The following DLG2 variants were observed in gnomAD, a reference collection of about 807,000 sequenced individuals.
DLG2 encodes the protein discs large MAGUK scaffold protein 2, also known as disks large homolog 2.
DLG2 carries 45 observed loss-of-function variants against 132.5 expected under a neutral mutation model. The ratio of observed to expected loss-of-function variants is 0.34; its 90% CI spans 0.27 to 0.44. DLG2 has a LOEUF of 0.44. Ranked by LOEUF, DLG2 falls within the 20% of genes least tolerant of loss-of-function variation. The probability of loss-of-function intolerance (pLI) is 1.00; values close to 1 mark genes in which losing one functional copy is unlikely to be tolerated. For missense variants in DLG2, 1,045 were observed against 1,196.9 expected, an observed-to-expected ratio of 0.87 and a Z score of 1.87; for synonymous variants, 424 against 419.6, an observed-to-expected ratio of 1.01 and a Z score of -0.13.
chr11:84,644,560 G>A (rs1030381117), intron 6 of DLG2, among the ~76,000 whole-genome samples: 2 of 151,960 alleles, frequency 1.3e-5, no homozygotes, highest in African/African-American at 4.8e-5. Flanking sequence ...CAAAAAATTA[G>A]CCGGGCGTGG....
chr11:83,898,828 A>C (rs1596128696), intron 15 of DLG2, among the ~76,000 whole-genome samples: 2 of 152,282 alleles, frequency 1.3e-5, no homozygotes, highest in East Asian at 3.9e-4. Context: ...TAATTTTACT[A>C]TTTCATCAAA....
At chr11:84,142,119 C>T (rs987324732) in intron 9 of DLG2, among the ~76,000 whole-genome samples, 6 of 151,770 alleles carry the variant, frequency 4.0e-5, no homozygotes, top group African/African-American at 1.5e-4. Flanking sequence ...CTGGCCAACA[C>T]GGTGAAACCA....
At chr11:84,558,227 TG>T (rs1422391529) in intron 6 of DLG2, among the ~76,000 whole-genome samples, 2 of 152,186 alleles carry the variant, frequency 1.3e-5, no homozygotes, top group African/African-American at 4.8e-5. Flanking sequence ...GGTTTGGAGT[TG>T]GTTTATTTCC....
chr11:84,276,385 G>A (rs2097783451), intron 7 of DLG2, among the ~76,000 whole-genome samples: 1 of 152,084 alleles, frequency 6.6e-6, no homozygotes, highest in South Asian at 2.1e-4. Context: ...AGTTCAAGTG[G>A]GGTCCACTAT....
rs59452629 is a variant in DLG2 at position 85,582,660 on chromosome 11, C to CAA, written c.40+15995_40+15996dup. 2.8e-3 allele frequency among the ~76,000 whole-genome samples: 77 copies of CAA among 27,142 alleles called. 25 individuals carry two copies. The highest frequency in any genetic ancestry group is 4.3e-3 in the East Asian group (3 of 698). The allele number at this position is 27,142 out of a possible 152,430, so 17.8% of individuals were successfully genotyped here. A position where few individuals can be genotyped will look rare whatever the true frequency, so the allele number is the denominator to read the frequency against. On this transcript the variant is annotated intron_variant, in intron 3 of 27. Coordinates refer to ENST00000376104, the MANE Select transcript of DLG2 (RefSeq NM_001142699.3). Reference sequence around the variant, plus strand: ...GCAACATGGTGAAACCCCATCTCTACAAAAAAAAAAAAAAAAAAAAAAAAA... The same window carrying CAA: ...GCAACATGGTGAAACCCCATCTCTACAAAAAAAAAAAAAAAAAAAAAAAAAAA...
At chr11:84,937,680 T>G (rs1347273118) in intron 6 of DLG2, among the ~76,000 whole-genome samples, 1 of 152,066 alleles carries the variant, frequency 6.6e-6, no homozygotes, top group Non-Finnish European at 1.5e-5. Context: ...TTCATGAAAT[T>G]TTGGGGGAAG....
At chr11:85,588,956 C>T (rs567541906) in intron 3 of DLG2, among the ~76,000 whole-genome samples, 8 of 152,132 alleles carry the variant, frequency 5.3e-5, no homozygotes, top group Non-Finnish European at 8.8e-5. Context: ...GTCTAGCCAC[C>T]GAGTACGGCT....
chr11:85,607,061 G>C (rs567707404), intron 2 of DLG2, among the ~76,000 whole-genome samples: 2 of 152,144 alleles, frequency 1.3e-5, no homozygotes, highest in Non-Finnish European at 2.9e-5. Context: ...ATCACCTTTC[G>C]CCAAGCAGTG....
chr11:85,070,302 TAAAA>T (rs1205668307), intron 6 of DLG2, among the ~76,000 whole-genome samples: 2 of 108,174 alleles, frequency 1.8e-5, no homozygotes, highest in African/African-American at 4.4e-5. Flanking sequence ...TAAAGTATAA[TAAAA>T]AATAAATAAA....
intron 3 of DLG2, among the ~76,000 whole-genome samples, chr11:85,375,160 T>C (rs2085306426): frequency 6.6e-6 from 1 of 152,100 alleles, no homozygotes; most frequent in African/African-American, 2.4e-5. Flanking sequence ...CTAGTTGTAA[T>C]GATACTGGAT....
chr11:84,614,894 G>A (rs1311259063), intron 6 of DLG2, among the ~76,000 whole-genome samples: 1 of 152,054 alleles, frequency 6.6e-6, no homozygotes, highest in Non-Finnish European at 1.5e-5. Context: ...ATCTACATCT[G>A]CTGTTACAGG....
At chr11:84,960,263 C>T (rs954719056) in intron 6 of DLG2, among the ~76,000 whole-genome samples, 15 of 152,028 alleles carry the variant, frequency 9.9e-5, no homozygotes, top group Non-Finnish European at 1.6e-4. Flanking sequence ...TACACTATTA[C>T]GAATCATCCT....
At chr11:83,832,955 A>T (rs144956217) in intron 17 of DLG2, among the ~76,000 whole-genome samples, 2 of 152,324 alleles carry the variant, frequency 1.3e-5, no homozygotes, top group East Asian at 3.9e-4. Context: ...GAGTATGGTT[A>T]TGAGTTTGGG....
chr11:84,592,327 G>A lies in DLG2; in HGVS notation c.358-57596C>T, dbSNP rs536711119. ...GAATTAAAGTATGAGCAATGAGAAA[G>A]CAAAAAGAAACAAGTGTTAGACCAG... On this transcript the variant is annotated intron_variant, in intron 6 of 27. Transcript: ENST00000376104. Among the ~76,000 whole-genome samples the A allele has an allele frequency of 6.6e-5, 10 of 152,292 alleles. No homozygotes were observed. In the South Asian group the frequency reaches 2.1e-3, roughly 32 times the overall value.
At chr11:83,609,331 G>C (rs2059783802) in intron 19 of DLG2, among the ~76,000 whole-genome samples, 1 of 152,188 alleles carries the variant, frequency 6.6e-6, no homozygotes, top group Admixed American at 6.5e-5. Context: ...TGCCCCAGCA[G>C]GGCTTCATAT....
intron 19 of DLG2, among the ~76,000 whole-genome samples, chr11:83,621,920 T>C (rs2061693301): frequency 6.6e-6 from 1 of 152,124 alleles, no homozygotes; most frequent in Non-Finnish European, 1.5e-5. Context: ...TTATTTTGAT[T>C]GACTGATTGA....
At chr11:84,640,952 C>CAAAAAAAAAAACAAA (rs2099660491) in intron 6 of DLG2, among the ~76,000 whole-genome samples, 1 of 85,416 alleles carries the variant, frequency 1.2e-5, no homozygotes, top group African/African-American at 5.9e-5. Flanking sequence ...AACAAACAAA[C>CAAAAAAAAAAACAAA]AAAAAAAAAA....
At chr11:84,338,729 C>A (rs2098500181) in intron 7 of DLG2, among the ~76,000 whole-genome samples, 1 of 152,080 alleles carries the variant, frequency 6.6e-6, no homozygotes, top group African/African-American at 2.4e-5. Context: ...TCGCTTGAGT[C>A]CAGGAGGCAG....
chr11:84,810,443 A>T (rs1182295427), intron 6 of DLG2, among the ~76,000 whole-genome samples: 1 of 152,174 alleles, frequency 6.6e-6, no homozygotes, highest in East Asian at 1.9e-4. Context: ...ACAGTGAGAC[A>T]TCACTACATA....
Sources: gnomAD v4.1 joint callset for allele counts (sites outside exome capture counted in the v4.1 genomes callset) on GRCh38, gnomAD v4.1.1 for gene constraint, MANE v1.5 for transcripts, NCBI Gene and HGNC (gene_info 2026-07-23, HGNC 2026-07-21) for gene names.